The following TGM5 variants were observed in gnomAD, a reference collection of about 807,000 sequenced individuals.
The protein encoded by TGM5 is transglutaminase 5.
A neutral mutation model predicts 77.2 loss-of-function variants in TGM5; 69 were observed. The ratio of observed to expected loss-of-function variants is 0.89; its 90% CI spans 0.74 to 1.09. The LOEUF is 1.09. Among genes scored for constraint, TGM5 ranks in the 50% least tolerant of loss-of-function variants. TGM5 has a pLI of 0.00. For synonymous variants in TGM5, 346 were observed against 351.8 expected, an observed-to-expected ratio of 0.98 and a Z score of 0.18; for missense variants, 842 against 896.5, an observed-to-expected ratio of 0.94 and a Z score of 0.78.
intron 6 of TGM5, among the ~76,000 whole-genome samples, chr15:43,248,739 G>T (rs933657000): frequency 2.0e-4 from 31 of 152,274 alleles, no homozygotes; most frequent in African/African-American, 7.2e-4. Flanking sequence ...CTAAGAAAAG[G>T]CTGGGGTATG....
intron 1 of TGM5, among the ~76,000 whole-genome samples, chr15:43,264,719 A>G (rs1370336153): frequency 5.3e-5 from 8 of 152,250 alleles, no homozygotes; most frequent in Non-Finnish European, 8.8e-5. Context: ...TTGTGAGTAT[A>G]TGAAAAACCA....
chr15:43,244,489 G>A (rs2042658329), intron 6 of TGM5, among the ~76,000 whole-genome samples: 2 of 152,192 alleles, frequency 1.3e-5, no homozygotes, highest in South Asian at 4.1e-4. Context: ...CTGTGCTTAT[G>A]GACATGCATA....
intron 9 of TGM5, among the ~76,000 whole-genome samples, chr15:43,238,548 G>T (rs940755473): frequency 9.9e-5 from 15 of 152,240 alleles, no homozygotes; most frequent in African/African-American, 3.6e-4. Context: ...TGATTTTAGG[G>T]GGAAGCAGGG....
Position 43,234,902 on chromosome 15 carries a change from TAGG to T in TGM5, c.1739_1741del (p.Ser580del). 2 of 1,614,114 alleles carry T rather than the reference TAGG, an allele frequency of 1.2e-6. No homozygotes were observed. Among genetic ancestry groups the T allele is most frequent in the Non-Finnish European group, 1.7e-6 (2 of 1,179,996 alleles). On this transcript the variant is annotated inframe_deletion, in exon 11 of 13. Transcript: ENST00000220420. ...TGACAGGTACTGGCTGTACTGGGAA[TAGG>T]AGATTTTGCAGGGGTAGGTCTTTGC...
At chr15:43,233,789 C>T in intron 11 of TGM5, 102 bp from the exon 12 acceptor site, 1 of 1,323,844 alleles carries the variant, frequency 7.6e-7, no homozygotes, top group Non-Finnish European at 1.1e-6. Flanking sequence ...ATGCCACCTC[C>T]AAATATGCCA....
At chr15:43,263,904 A>C (rs1322147317) in intron 1 of TGM5, among the ~76,000 whole-genome samples, 1 of 152,224 alleles carries the variant, frequency 6.6e-6, no homozygotes, top group African/African-American at 2.4e-5. Flanking sequence ...AATGTTTGTA[A>C]ATCCTATATC....
chr15:43,241,828 C>T (rs145791412), intron 6 of TGM5, among the ~76,000 whole-genome samples: 3,683 of 151,678 alleles, frequency 0.024, 166 homozygotes, highest in African/African-American at 0.085. Flanking sequence ...TTAGTAGAGA[C>T]GGGGTTTTAC....
intron 4 of TGM5, among the ~76,000 whole-genome samples, chr15:43,254,211 G>A (rs887948290): frequency 6.6e-6 from 1 of 152,196 alleles, no homozygotes; most frequent in African/African-American, 2.4e-5. Context: ...CCTTCCCCGA[G>A]CCTGAGCCTG....
At position 43,253,521 on chromosome 15, in the gene TGM5, T is replaced by C. The variant is rs1388091416; in HGVS notation, c.669A>G (p.Arg223=). Residue 223 remains arginine, a synonymous_variant, in exon 5 of 13, where the codon AGA becomes AGG. Transcript: ENST00000220420. ...GGGACCTCACCATGGCACACACCACTCTGCTGACGTAGACGGGGCTTCCCC... is the reference window on the plus strand; with the variant it reads ...GGGACCTCACCATGGCACACACCACCCTGCTGACGTAGACGGGGCTTCCCC... ...ALRGSPVYVS[R]VVCAMINSND... 1 of 1,612,722 alleles carries C rather than the reference T, an allele frequency of 6.2e-7. No individual in the cohort carries two copies. Among genetic ancestry groups the C allele is most frequent in the South Asian group, 1.1e-5 (1 of 91,046 alleles).
chr15:43,236,875 A>G (rs1362812185), intron 9 of TGM5, among the ~76,000 whole-genome samples: 1 of 151,458 alleles, frequency 6.6e-6, no homozygotes, highest in Non-Finnish European at 1.5e-5. Context: ...AGGCTGAGAC[A>G]GGAGAATTGC....
chr15:43,259,003 T>A (rs1338812054), intron 3 of TGM5, among the ~76,000 whole-genome samples: 3 of 152,032 alleles, frequency 2.0e-5, no homozygotes, highest in Non-Finnish European at 4.4e-5. Flanking sequence ...GTTAGAGGCG[T>A]TAGAACCCAT....
chr15:43,258,286 T>G (rs1179026747), intron 3 of TGM5, among the ~76,000 whole-genome samples: 2 of 151,630 alleles, frequency 1.3e-5, no homozygotes, highest in African/African-American at 4.8e-5. Flanking sequence ...TTGGGTAGTA[T>G]GCTTATTACC....
chr15:43,251,961 A>G (rs2042706301), intron 6 of TGM5, among the ~76,000 whole-genome samples: 1 of 151,648 alleles, frequency 6.6e-6, no homozygotes, highest in Non-Finnish European at 1.5e-5. Context: ...GCCCTCAACA[A>G]CTCCAAATTC....
chr15:43,256,001 A>G (rs959185310), intron 4 of TGM5, among the ~76,000 whole-genome samples: 6 of 152,196 alleles, frequency 3.9e-5, no homozygotes, highest in Non-Finnish European at 8.8e-5. Flanking sequence ...ATCTTTTTAA[A>G]CAAGCATGTA....
chr15:43,262,494 A>T (rs1596452955), intron 1 of TGM5, among the ~76,000 whole-genome samples: 2 of 152,224 alleles, frequency 1.3e-5, no homozygotes, highest in Non-Finnish European at 2.9e-5. Flanking sequence ...TAAGAATAGA[A>T]GGGGACTTCC....
At chr15:43,237,362 C>T (rs1195171680) in intron 9 of TGM5, among the ~76,000 whole-genome samples, 1 of 152,196 alleles carries the variant, frequency 6.6e-6, no homozygotes, top group Non-Finnish European at 1.5e-5. Flanking sequence ...AGGAACAGCC[C>T]TCAACTCATG....
rs192677448 is a variant in TGM5, at chr15:43,235,670, C to T, written c.1513G>A (p.Val505Met). ...HTPSLRPSDV[V>M]QVSLKFKLLD... ...AGCTTGAATTTCAGGGAGACTTGCA[C>T]CACATCACTGGGTCGAAGGGAAGGT... Residue 505 changes from valine to methionine, a missense_variant, in exon 10 of 13, where the codon GTG becomes ATG. Physicochemically the swap from Val to Met is conservative, Grantham distance 21. Transcript: ENST00000220420. 233 of 1,614,164 alleles carry T rather than the reference C, an allele frequency of 1.4e-4. No homozygotes were observed. The highest frequency in any genetic ancestry group is 1.8e-4 in the Non-Finnish European group (210 of 1,180,036).
At chr15:43,251,071 T>C (rs545430) in intron 6 of TGM5, among the ~76,000 whole-genome samples, 147,241 of 152,278 alleles carry the variant, frequency 0.97, 71,382 homozygotes, top group East Asian at 1. Context: ...TGGAAGGTTC[T>C]CTCTCTATCT....
chr15:43,237,772 T>C (rs1213514518), intron 9 of TGM5, among the ~76,000 whole-genome samples: 1 of 152,232 alleles, frequency 6.6e-6, no homozygotes, highest in East Asian at 1.9e-4. Context: ...CAACCCCACT[T>C]CCAGAGCTCC....
Sources: allele counts gnomAD v4.1 joint callset (sites outside exome capture counted in the v4.1 genomes callset), GRCh38; gene constraint gnomAD v4.1.1; transcripts MANE v1.5; gene names NCBI Gene and HGNC (gene_info 2026-07-23, HGNC 2026-07-21).